PXDN: variants seen among roughly 807,000 people sequenced by gnomAD.
PXDN encodes peroxidasin, also known as peroxidasin homolog.
A neutral mutation model predicts 140.3 loss-of-function variants in PXDN; 77 were observed. That is an observed-to-expected ratio of 0.55 (90% CI 0.46 to 0.66). The LOEUF is 0.66. Among genes scored for constraint, PXDN ranks in the 30% least tolerant of loss-of-function variants. The probability of loss-of-function intolerance (pLI) is 0.00; values close to 1 mark genes in which losing one functional copy is unlikely to be tolerated. For synonymous variants in PXDN, 911 were observed against 857.4 expected (o/e 1.06, Z -1.09); for missense variants, 1,838 against 2,039.5 (o/e 0.90, Z 1.90).
intron 1 of PXDN, among the ~76,000 whole-genome samples, chr2:1,725,758 G>A (rs1361954785): frequency 1.3e-5 from 2 of 152,112 alleles, no homozygotes; most frequent in African/African-American, 4.8e-5. Flanking sequence ...CCATCAAAAA[G>A]TGGGCAAAGG....
intron 9 of PXDN, among the ~76,000 whole-genome samples, chr2:1,667,934 C>A (rs1683484643): frequency 6.6e-6 from 1 of 152,180 alleles, no homozygotes; most frequent in Non-Finnish European, 1.5e-5. Context: ...ACTTTCTTCA[C>A]AGAGCTAGAA....
At chr2:1,735,575 C>T (rs148139651) in intron 1 of PXDN, among the ~76,000 whole-genome samples, 80 of 152,192 alleles carry the variant, frequency 5.3e-4, no homozygotes, top group East Asian at 1.9e-3. Flanking sequence ...TCTTTTTTTC[C>T]GAGCAGTAGG....
intron 1 of PXDN, among the ~76,000 whole-genome samples, chr2:1,723,884 C>T (rs992913149): frequency 5.9e-5 from 9 of 152,202 alleles, no homozygotes; most frequent in Admixed American, 2.6e-4. Context: ...GAGTAAGTTA[C>T]AATCATGAGT....
intron 7 of PXDN, among the ~76,000 whole-genome samples, chr2:1,679,894 GGTGT>G (rs1312273947): frequency 3.6e-5 from 5 of 138,042 alleles, no homozygotes; most frequent in Admixed American, 7.2e-5. Context: ...GTCTATAAAT[GGTGT>G]GTGTGTAAAT....
At chr2:1,725,167 G>C (rs1374834132) in intron 1 of PXDN, among the ~76,000 whole-genome samples, 1 of 152,092 alleles carries the variant, frequency 6.6e-6, no homozygotes, top group Non-Finnish European at 1.5e-5. Flanking sequence ...ATAATTTGCT[G>C]TTGGTTTAAA....
intron 14 of PXDN, among the ~76,000 whole-genome samples, chr2:1,658,455 C>T (rs1304849051): frequency 2.6e-5 from 4 of 151,922 alleles, no homozygotes; most frequent in East Asian, 1.9e-4. Flanking sequence ...TACTGCCAGG[C>T]CCCCTCAGAT....
At chr2:1,703,179 C>T (rs1458949308) in intron 1 of PXDN, among the ~76,000 whole-genome samples, 1 of 18,630 alleles carries the variant, frequency 5.4e-5, no homozygotes, top group African/African-American at 2.6e-4. Context: ...CCAGGTGAAG[C>T]GGGGGACAAC....
rs574728792 is a variant in PXDN, at chr2:1,697,699, C to G, written c.201-4565G>C. Among the ~76,000 whole-genome samples, 371 of 152,282 alleles carry G rather than the reference C, an allele frequency of 2.4e-3. 2 individuals are homozygous for G. The highest frequency in any genetic ancestry group is 4.6e-3 in the Non-Finnish European group (313 of 68,028). The stretch of plus-strand genomic sequence containing the variant: ...TGGCTCTTCCCTGGGGCTCCGTGCT[C>G]CCACCCCGTCCTCCTGCAGTGACGT... On this transcript the variant is annotated intron_variant, in intron 1 of 22. Coordinates refer to ENST00000252804, the MANE Select transcript of PXDN (RefSeq NM_012293.3).
Position 1,656,441 on chromosome 2 carries a change from TAC to T in PXDN, c.1838-1935_1838-1934del, listed in dbSNP as rs537241830. ...ACGCTGACACAGCCCAACACACCCT[TAC>T]AAAAAAGCTTCTTTCACTTGGCTGC... is the stretch of plus-strand genomic sequence containing the variant. On this transcript the variant is annotated intron_variant, in intron 14 of 22. Coordinates refer to ENST00000252804, the MANE Select transcript of PXDN (RefSeq NM_012293.3). 2.8e-3 allele frequency among the ~76,000 whole-genome samples: 430 copies of T among 152,246 alleles called. 2 individuals carry two copies. The highest frequency in any genetic ancestry group is 9.9e-3 in the African/African-American group (410 of 41,526).
At chr2:1,689,594 C>A (rs1684141381) in intron 3 of PXDN, among the ~76,000 whole-genome samples, 2 of 151,984 alleles carry the variant, frequency 1.3e-5, no homozygotes, top group East Asian at 3.9e-4. Flanking sequence ...ATCAGCCTGA[C>A]CAAAATGGTG....
chr2:1,686,813 A>G (rs1209064448), intron 4 of PXDN, among the ~76,000 whole-genome samples: 1 of 152,168 alleles, frequency 6.6e-6, no homozygotes, highest in Non-Finnish European at 1.5e-5. Flanking sequence ...AAACTCTCTG[A>G]CAACATCGCT....
At chr2:1,677,130 CA>C in intron 7 of PXDN, 86 bp from the exon 8 acceptor site, 2 of 1,215,880 alleles carry the variant, frequency 1.6e-6, no homozygotes, top group Non-Finnish European at 2.3e-6. Context: ...TCTCTGTGTC[CA>C]AAAGGAAACC....
rs574225271 is a variant in PXDN at position 1,665,930 on chromosome 2, C to T, written c.1291+284G>A. The stretch of plus-strand genomic sequence containing the variant: ...GTGCACACCCACACACACACACTCT[C>T]TCTCTCACTTATCTGATAGACACTC... On this transcript the variant is annotated intron_variant, in intron 10 of 22. Coordinates refer to ENST00000252804, the MANE Select transcript of PXDN (RefSeq NM_012293.3). Among the ~76,000 whole-genome samples, 6 of 152,258 alleles carry T rather than the reference C, an allele frequency of 3.9e-5. No homozygotes were observed. In the East Asian group the frequency reaches 1.2e-3, roughly 29 times the overall value.
chr2:1,646,255 TG>T, intron 17 of PXDN: 1 of 152,182 alleles, frequency 6.6e-6, no homozygotes, highest in Non-Finnish European at 1.5e-5. Flanking sequence ...GCTCAGTGTG[TG>T]GGTAACATCC....
chr2:1,690,552 A>G (rs2125449177), intron 3 of PXDN, among the ~76,000 whole-genome samples: 1 of 151,736 alleles, frequency 6.6e-6, no homozygotes, highest in Non-Finnish European at 1.5e-5. Context: ...TTAAACACAC[A>G]TATACACACA....
chr2:1,650,236 G>A (rs1217352383), intron 16 of PXDN, among the ~76,000 whole-genome samples: 3 of 152,164 alleles, frequency 2.0e-5, no homozygotes, highest in Admixed American at 6.5e-5. Context: ...CCTAGCCGCC[G>A]CGCCCTCCTC....
In PXDN at chr2:1,666,397, G is replaced by T; in HGVS notation, c.1108C>A (p.Pro370Thr). ...CCTCTCGTCCAGGAGATCCGCGGCG[G>T]GGGGTGGCCTGTGGCGCTGCACTCC... Reference protein sequence around the residue: ...TLECSATGHPPPRISWTRGDR... With the variant: ...TLECSATGHPTPRISWTRGDR... The change falls in exon 10 of 23, where the codon CCG becomes ACG. Residue 370 changes from proline (P) to threonine (T), a missense_variant. Coordinates refer to ENST00000252804, the MANE Select transcript of PXDN (RefSeq NM_012293.3). The T allele has an allele frequency of 1.2e-6, 2 of 1,613,870 alleles. No homozygotes were observed. Among genetic ancestry groups the T allele is most frequent in the Non-Finnish European group, 1.7e-6 (2 of 1,179,872 alleles).
chr2:1,689,147 T>C (rs1024471659), intron 3 of PXDN, among the ~76,000 whole-genome samples: 4 of 152,194 alleles, frequency 2.6e-5, no homozygotes, highest in African/African-American at 9.6e-5. Flanking sequence ...ACGTAATGAC[T>C]GGGCCTCAGT....
At chr2:1,682,338 T>G (rs1457694056) in intron 6 of PXDN, among the ~76,000 whole-genome samples, 1 of 152,140 alleles carries the variant, frequency 6.6e-6, no homozygotes, top group Non-Finnish European at 1.5e-5. Flanking sequence ...TGTGGTATTT[T>G]TATCCTAAAG....
Sources: allele counts gnomAD v4.1 joint callset (sites outside exome capture counted in the v4.1 genomes callset), GRCh38; gene constraint gnomAD v4.1.1; transcripts MANE v1.5; gene names NCBI Gene and HGNC (gene_info 2026-07-23, HGNC 2026-07-21).